APBA1: variants seen among roughly 807,000 people sequenced by gnomAD.
The protein encoded by APBA1 is amyloid-beta A4 precursor protein-binding family A member 1.
Under a neutral mutation model 86.6 loss-of-function variants are expected in APBA1, and 55 were observed. The ratio of observed to expected loss-of-function variants is 0.64; its 90% CI spans 0.51 to 0.80. APBA1 has a LOEUF of 0.80. Ranked by LOEUF, APBA1 falls within the 30% of genes least tolerant of loss-of-function variation. The probability of loss-of-function intolerance (pLI) is 0.00; values close to 1 mark genes in which losing one functional copy is unlikely to be tolerated. For missense variants in APBA1, 1,090 were observed against 1,183.0 expected, an observed-to-expected ratio of 0.92 and a Z score of 1.15; for synonymous variants, 511 against 493.9, an observed-to-expected ratio of 1.03 and a Z score of -0.46.
chr9:69,435,608 T>C (rs996900380), intron 11 of APBA1, among the ~76,000 whole-genome samples: 21 of 152,312 alleles, frequency 1.4e-4, no homozygotes, highest in Non-Finnish European at 8.8e-5. Context: ...GAGAAGTGTT[T>C]GTTCATATCC....
rs139196088 is a variant in APBA1, at chr9:69,459,426, T to A, written c.1483-1238A>T. 3.1e-3 allele frequency among the ~76,000 whole-genome samples: 469 copies of A among 152,362 alleles called. 3 individuals are homozygous for A. The highest frequency in any genetic ancestry group is 0.011 in the African/African-American group (442 of 41,592). ...GCTGTTATGTGGATTTGTCTGTGTA[T>A]CCTGATTCTGTCAATCTTTATCTTA... On this transcript the variant is annotated intron_variant, in intron 5 of 12. Coordinates refer to ENST00000265381, the MANE Select transcript of APBA1 (RefSeq NM_001163.4).
At chr9:69,495,735 C>A (rs1173740784) in intron 2 of APBA1, among the ~76,000 whole-genome samples, 2 of 152,048 alleles carry the variant, frequency 1.3e-5, no homozygotes, top group Admixed American at 6.5e-5. Context: ...CCAAACTCTG[C>A]TACGTTTATA....
chr9:69,601,955 C>T (rs1376274941), intron 1 of APBA1, among the ~76,000 whole-genome samples: 1 of 152,146 alleles, frequency 6.6e-6, no homozygotes, highest in Non-Finnish European at 1.5e-5. Context: ...AGATAACTAC[C>T]AAGCCACACA....
intron 1 of APBA1, among the ~76,000 whole-genome samples, chr9:69,594,711 ATT>A (rs1446351385): frequency 6.6e-6 from 1 of 152,200 alleles, no homozygotes; most frequent in East Asian, 1.9e-4. Flanking sequence ...GGCACACGTG[ATT>A]GACTGCCCAA....
rs1325394247 is a variant in APBA1, at chr9:69,516,937, C to T, written c.274G>A (p.Ala92Thr). Residue 92 changes from alanine (A) to threonine (T), a missense_variant, in exon 2 of 13, where the codon GCC (alanine) becomes ACC (threonine). Ala to Thr is a moderately conservative substitution (Grantham distance 58). Coordinates refer to ENST00000265381, the MANE Select transcript of APBA1 (RefSeq NM_001163.4). This position sits in a 1 kb window ranked among gnomAD's most constrained non-coding sequence, Gnocchi z 7.3. ...GCCGCGGCGATCACGTCGCCCTCGG[C>T]GGTGTCCGTGTGGTTGTGGAAGCCG... ...ESGFHNHTDTAEGDVIAAARD... is the reference protein window; with the variant it reads ...ESGFHNHTDTTEGDVIAAARD... 2 of 1,593,998 alleles carry T rather than the reference C, an allele frequency of 1.3e-6. No individual in the cohort carries two copies. The highest frequency in any genetic ancestry group is 1.7e-6 in the Non-Finnish European group (2 of 1,177,144).
At chr9:69,560,176 T>C (rs1241863458) in intron 1 of APBA1, among the ~76,000 whole-genome samples, 1 of 152,206 alleles carries the variant, frequency 6.6e-6, no homozygotes, top group African/African-American at 2.4e-5. Flanking sequence ...GCCTTCAGCT[T>C]TCTTCTCTGG....
At chr9:69,531,630 C>T (rs1173467258) in intron 1 of APBA1, among the ~76,000 whole-genome samples, 3 of 152,218 alleles carry the variant, frequency 2.0e-5, no homozygotes, top group African/African-American at 7.2e-5. Flanking sequence ...CCCACTGCCC[C>T]TGCCCTTCAG....
intron 1 of APBA1, among the ~76,000 whole-genome samples, chr9:69,640,873 A>G (rs1255294621): frequency 6.6e-6 from 1 of 151,180 alleles, no homozygotes; most frequent in Non-Finnish European, 1.5e-5. Flanking sequence ...TTTCAATTCA[A>G]TATTGGTGGT....
At chr9:69,531,049 A>G (rs1160285036) in intron 1 of APBA1, among the ~76,000 whole-genome samples, 2 of 152,186 alleles carry the variant, frequency 1.3e-5, no homozygotes, top group Non-Finnish European at 2.9e-5. Flanking sequence ...TATATTCAAA[A>G]TATTATTTCA....
chr9:69,643,637 T>A (rs754703068), intron 1 of APBA1, among the ~76,000 whole-genome samples: 9 of 152,192 alleles, frequency 5.9e-5, no homozygotes, highest in Non-Finnish European at 1.2e-4. Flanking sequence ...CTGCCTGGAC[T>A]CTATCACTTT....
chr9:69,663,665 G>A (rs538455288), intron 1 of APBA1, among the ~76,000 whole-genome samples: 2 of 152,242 alleles, frequency 1.3e-5, no homozygotes, highest in South Asian at 4.1e-4. Context: ...AATTCCATTA[G>A]GAAATAAATC....
At chr9:69,496,625 C>T (rs772122399) in intron 2 of APBA1, among the ~76,000 whole-genome samples, 2 of 152,102 alleles carry the variant, frequency 1.3e-5, no homozygotes, top group African/African-American at 4.8e-5. Context: ...GGATGCAAGT[C>T]CCATAGCTGC....
intron 1 of APBA1, among the ~76,000 whole-genome samples, chr9:69,595,052 A>G (rs1822202595): frequency 6.6e-6 from 1 of 152,216 alleles, no homozygotes; most frequent in Non-Finnish European, 1.5e-5. Context: ...TATTATAAAT[A>G]TTATTAAAAA....
intron 1 of APBA1, among the ~76,000 whole-genome samples, chr9:69,561,361 C>T (rs1344699013): frequency 6.6e-6 from 1 of 152,186 alleles, no homozygotes; most frequent in Non-Finnish European, 1.5e-5. Context: ...GGTGGAGGAA[C>T]ACACTTTGAG....
chr9:69,471,272 C>T (rs1835362327), intron 4 of APBA1, among the ~76,000 whole-genome samples: 1 of 152,058 alleles, frequency 6.6e-6, no homozygotes. Context: ...TAAAAAAGAC[C>T]AAAATTTCTG....
rs1472785849 is a variant in APBA1 at position 69,456,108 on chromosome 9, C to T, written c.1788+139G>A. On this transcript the variant is annotated intron_variant, in intron 8 of 12. Coordinates refer to ENST00000265381, the MANE Select transcript of APBA1 (RefSeq NM_001163.4). The stretch of plus-strand genomic sequence containing the variant: ...CTGTCTGTTTTACTCAGCCTTATAT[C>T]TCTAGTGCTGGAACAGTGCCTGACA... The T allele has an allele frequency of 3.1e-6, 3 of 974,822 alleles. No individual in the cohort carries two copies. The African/African-American group carries it at 4.8e-5, about 16-fold the overall frequency. The allele number at this position is 974,822 out of a possible 1,614,324, so 60.4% of individuals were successfully genotyped here.
chr9:69,627,982 T>A (rs990665083), intron 1 of APBA1, among the ~76,000 whole-genome samples: 2 of 152,120 alleles, frequency 1.3e-5, no homozygotes, highest in African/African-American at 4.8e-5. Flanking sequence ...CTTCCTTTGA[T>A]GGCAGGTGTG....
intron 1 of APBA1, among the ~76,000 whole-genome samples, chr9:69,618,355 T>C (rs558170825): frequency 6.6e-6 from 1 of 152,314 alleles, no homozygotes; most frequent in South Asian, 2.1e-4. Flanking sequence ...ACTCAACATT[T>C]AGTGTGTTTG....
intron 6 of APBA1, among the ~76,000 whole-genome samples, chr9:69,457,684 C>T (rs958340368): frequency 3.3e-5 from 5 of 152,160 alleles, no homozygotes; most frequent in African/African-American, 9.7e-5. Context: ...GCCTCAACGT[C>T]CCAGGAGTAG....
Sources: gnomAD v4.1 joint callset for allele counts (sites outside exome capture counted in the v4.1 genomes callset) on GRCh38, gnomAD v4.1.1 for gene constraint, Gnocchi (gnomAD v3.1) non-coding constraint, MANE v1.5 for transcripts, NCBI Gene and HGNC (gene_info 2026-07-23, HGNC 2026-07-21) for gene names.